Variants in DYSF observed in about 807,000 individuals in gnomAD.
DYSF encodes dystrophy-associated fer-1-like 1.
Under a neutral mutation model 274.9 loss-of-function variants are expected in DYSF, and 212 were observed. The ratio of observed to expected loss-of-function variants is 0.77; its 90% CI spans 0.69 to 0.86. The LOEUF (loss-of-function observed/expected upper bound fraction) is 0.86, where lower values mean the gene tolerates loss of function less well. Ranked by LOEUF, DYSF falls within the 40% of genes least tolerant of loss-of-function variation. The pLI is 0.00. For synonymous variants in DYSF, 1,091 were observed against 1,078.7 expected (o/e 1.01, Z -0.22); for missense variants, 2,666 against 2,783.2 (o/e 0.96, Z 0.95).
At chr2:71,555,831 T>TG in intron 21 of DYSF, 134 bp from the exon 22 acceptor site, 1 of 749,872 alleles carries the variant, frequency 1.3e-6, no homozygotes, top group Middle Eastern at 3.2e-4. Context: ...TTGTTGGGCC[T>TG]GGACTCTGCC....
At position 71,551,064 on chromosome 2, in the gene DYSF, C is replaced by G; in HGVS notation, c.1600C>G (p.Pro534Ala). 1 of 1,614,124 alleles carries G rather than the reference C, an allele frequency of 6.2e-7. No individual in the cohort carries two copies. The highest frequency in any genetic ancestry group is 8.5e-7 in the Non-Finnish European group (1 of 1,179,994). ...AGTGGATGACTACCTGGGCTTCCTCCCCACTTTTGGGCCCTGCTACATCAA... is the reference window on the plus strand; with the variant it reads ...AGTGGATGACTACCTGGGCTTCCTCGCCACTTTTGGGCCCTGCTACATCAA... ...IEVDDYLGFL[P>A]TFGPCYINLY... is the part of the protein sequence containing the mutation. The change falls in exon 18 of 56, where the codon CCC becomes GCC. Residue 534 changes from proline (P) to alanine (A), a missense_variant. Around this residue, in one of 3 missense-constraint regions of DYSF, gnomAD observed 794 missense variants for 777.1 expected, o/e 1.02. Transcript: ENST00000410020.
At chr2:71,526,531 G>A (rs1245765504) in intron 13 of DYSF, among the ~76,000 whole-genome samples, 185 bp downstream of exon 13, 2 of 152,236 alleles carry the variant, frequency 1.3e-5, no homozygotes, top group Admixed American at 6.5e-5. Flanking sequence ...ACTCTTGAGA[G>A]TAATAGCTGC....
chr2:71,520,392 C>T (rs1340297596), intron 11 of DYSF, among the ~76,000 whole-genome samples, 184 bp downstream of exon 11: 1 of 152,196 alleles, frequency 6.6e-6, no homozygotes, highest in Non-Finnish European at 1.5e-5. Context: ...GGGTGTAACA[C>T]TCACCTGTGT....
chr2:71,611,828 C>T (rs559866098), intron 38 of DYSF, among the ~76,000 whole-genome samples: 12 of 152,340 alleles, frequency 7.9e-5, no homozygotes, highest in African/African-American at 2.6e-4. Flanking sequence ...ACGGGGCCAA[C>T]CTGCTCCTCC....
chr2:71,499,761 C>T (rs1404839685), intron 3 of DYSF, among the ~76,000 whole-genome samples: 1 of 142,298 alleles, frequency 7.0e-6, no homozygotes, highest in Non-Finnish European at 1.6e-5. Context: ...CACTTCTCCA[C>T]CCCCCACATT....
intron 19 of DYSF, 124 bp from the exon 20 acceptor site, chr2:71,552,887 C>T: frequency 1.1e-6 from 1 of 944,054 alleles, no homozygotes; most frequent in Non-Finnish European, 1.7e-6. Context: ...TGCCACCCGT[C>T]AGTCCAGCCA....
At chr2:71,636,652 G>C (rs1243592321) in intron 41 of DYSF, among the ~76,000 whole-genome samples, 1 of 152,142 alleles carries the variant, frequency 6.6e-6, no homozygotes, top group Non-Finnish European at 1.5e-5. Flanking sequence ...ATGGGCAGCT[G>C]GAGTCCAGGG....
intron 1 of DYSF, among the ~76,000 whole-genome samples, chr2:71,468,751 A>G (rs1558930744): frequency 6.6e-6 from 1 of 152,126 alleles, no homozygotes; most frequent in African/African-American, 2.4e-5. Context: ...TCCTCTCTGG[A>G]TGACAAGCAG....
chr2:71,521,689 C>A (rs952412933), intron 12 of DYSF, among the ~76,000 whole-genome samples: 1 of 152,128 alleles, frequency 6.6e-6, no homozygotes, highest in African/African-American at 2.4e-5. Context: ...GTGTCTCCCC[C>A]ATCCTCACCA....
chr2:71,577,989 G>A (rs182193094), intron 30 of DYSF, among the ~76,000 whole-genome samples: 49 of 152,264 alleles, frequency 3.2e-4, no homozygotes, highest in Non-Finnish European at 5.9e-5. Context: ...AGCTGTGGAC[G>A]GGTCACTCAT....
At chr2:71,542,908 C>T (rs1053794908) in intron 17 of DYSF, among the ~76,000 whole-genome samples, 4 of 152,190 alleles carry the variant, frequency 2.6e-5, no homozygotes, top group Admixed American at 6.5e-5. Flanking sequence ...GATGGGGTGG[C>T]GGCCGGGCAG....
intron 41 of DYSF, among the ~76,000 whole-genome samples, chr2:71,635,898 C>CAAAGAGGGAAT (rs2094395161): frequency 6.6e-6 from 1 of 151,496 alleles, no homozygotes; most frequent in African/African-American, 2.4e-5. Flanking sequence ...GAAAAAGCAA[C>CAAAGAGGGAAT]AAAGAGGGAA....
intron 42 of DYSF, among the ~76,000 whole-genome samples, chr2:71,649,933 G>T (rs894308567): frequency 6.6e-6 from 1 of 152,186 alleles, no homozygotes; most frequent in Admixed American, 6.6e-5. Context: ...GACAGCAGAA[G>T]TCATCATCTT....
intron 4 of DYSF, among the ~76,000 whole-genome samples, chr2:71,507,250 G>A (rs1021190095): frequency 3.3e-5 from 5 of 152,170 alleles, no homozygotes; most frequent in Admixed American, 1.3e-4. Flanking sequence ...ACAGGAAGGG[G>A]CGCTCTTCCA....
At position 71,472,556 on chromosome 2, in the gene DYSF, A is replaced by G. The variant is rs560868937; in HGVS notation, c.91+5623A>G. Among the ~76,000 whole-genome samples, 8 of 152,180 alleles carry G rather than the reference A, an allele frequency of 5.3e-5. No homozygotes were observed. The South Asian group carries it at 6.2e-4, about 12-fold the overall frequency. The stretch of plus-strand genomic sequence containing the variant: ...CAAGTAGCTGGGACTACAGGCGTCC[A>G]CCACCACGCCAGGCTAATTTTTTGT... On this transcript the variant is annotated intron_variant, in intron 1 of 55. Transcript: ENST00000410020.
intron 55 of DYSF, among the ~76,000 whole-genome samples, chr2:71,683,907 C>T (rs147569575): frequency 8.6e-6 from 1 of 115,856 alleles, no homozygotes; most frequent in African/African-American, 3.5e-5. Context: ...GAGTTATAAC[C>T]ACACAGCTTT....
chr2:71,649,186 C>A (rs227776), intron 42 of DYSF, among the ~76,000 whole-genome samples: 125,868 of 148,224 alleles, frequency 0.85, 53,499 homozygotes, highest in Middle Eastern at 0.91. Context: ...TTACCTTAGA[C>A]TCAAAATGAA....
In DYSF at chr2:71,551,119, G is replaced by T; in HGVS notation, c.1655G>T (p.Gly552Val). 2 of 1,614,100 alleles carry T rather than the reference G, an allele frequency of 1.2e-6. No individual in the cohort carries two copies. Among genetic ancestry groups the T allele is most frequent in the East Asian group, 2.2e-5 (1 of 44,866 alleles). ...TATGGCAGTCCCAGAGAGTTCACAG[G>T]CTTCCCAGACCCCTACACAGAGCTC... is the stretch of plus-strand genomic sequence containing the variant. Reference protein sequence around the residue: ...NLYGSPREFTGFPDPYTELNT... With the variant: ...NLYGSPREFTVFPDPYTELNT... Residue 552 changes from glycine (G) to valine (V), a missense_variant, in exon 18 of 56, where the codon GGC (glycine) becomes GTC (valine). By Grantham distance (109) the Gly-to-Val change is moderately radical. Around this residue, in one of 3 missense-constraint regions of DYSF, gnomAD observed 794 missense variants for 777.1 expected, o/e 1.02. Coordinates refer to ENST00000410020, the MANE Select transcript of DYSF (RefSeq NM_001130987.2).
At position 71,604,306 on chromosome 2, in the gene DYSF, C is replaced by T. The variant is rs80256693; in HGVS notation, c.3957+1501C>T. On this transcript the variant is annotated intron_variant, in intron 36 of 55. Coordinates refer to ENST00000410020, the MANE Select transcript of DYSF (RefSeq NM_001130987.2). ...CTGAGTCCTCTTCGCTTTAAGAAGC[C>T]CCAGGGCTGGGTGGTCCTTCTGTTG... Among the ~76,000 whole-genome samples the T allele has an allele frequency of 8.2e-3, 1,255 of 152,264 alleles. 39 individuals carry two copies. The South Asian group carries it at 0.11, about 13-fold the overall frequency.
Sources: gnomAD v4.1 joint callset for allele counts (sites outside exome capture counted in the v4.1 genomes callset) on GRCh38, gnomAD v4.1.1 for gene constraint, gnomAD v4.1.1 regional missense constraint, MANE v1.5 for transcripts, NCBI Gene and HGNC (gene_info 2026-07-23, HGNC 2026-07-21) for gene names.